The following SHISA9 variants were observed in gnomAD, a reference collection of about 807,000 sequenced individuals.
SHISA9 encodes the protein protein shisa-9.
A neutral mutation model predicts 38.0 loss-of-function variants in SHISA9; 13 were observed. The ratio of observed to expected loss-of-function variants is 0.34; its 90% CI spans 0.22 to 0.54. SHISA9 has a LOEUF of 0.54. Among genes scored for constraint, SHISA9 ranks in the 20% least tolerant of loss-of-function variants. The pLI is 0.91. For synonymous variants in SHISA9, 275 were observed against 242.0 expected (o/e 1.14, Z -1.27); for missense variants, 538 against 575.8 (o/e 0.93, Z 0.67).
chr16:13,534,341 C>T, the SHISA9 span, among the ~76,000 whole-genome samples: 1 of 151,656 alleles, frequency 6.6e-6, no homozygotes, highest in East Asian at 1.9e-4. Context: ...TCTCATGTCT[C>T]AGCCTCCCAA....
At chr16:12,928,296 TA>T in intron 2 of SHISA9, among the ~76,000 whole-genome samples, 1 of 140,758 alleles carries the variant, frequency 7.1e-6, no homozygotes, top group Admixed American at 7.4e-5. Context: ...GGCTTGTCAT[TA>T]GGGGTGCAGA....
At chr16:13,243,837 A>G (rs536259812), downstream of SHISA9, among the ~76,000 whole-genome samples, 48 of 145,650 alleles carry the variant, frequency 3.3e-4, no homozygotes, top group South Asian at 0.011. Flanking sequence ...CAGTGGCGCA[A>G]TCTTAGTTCA....
chr16:13,174,071 C>A (rs1221785467), intron 2 of SHISA9, among the ~76,000 whole-genome samples: 2 of 152,268 alleles, frequency 1.3e-5, no homozygotes, highest in African/African-American at 4.8e-5. Context: ...ACCCTTCATT[C>A]TCAATAAAAT....
At chr16:13,360,912 C>A in the SHISA9 span, among the ~76,000 whole-genome samples, 1 of 152,162 alleles carries the variant, frequency 6.6e-6, no homozygotes. Context: ...ATAGTAGTAA[C>A]AAGCTCCATA....
chr16:13,264,854 T>C, the SHISA9 span, among the ~76,000 whole-genome samples: 1 of 152,152 alleles, frequency 6.6e-6, no homozygotes, highest in East Asian at 1.9e-4. Flanking sequence ...GTCAAGAAAG[T>C]AATAATTCCC....
intron 2 of SHISA9, among the ~76,000 whole-genome samples, chr16:13,154,102 C>G (rs2050522586): frequency 6.6e-6 from 1 of 152,098 alleles, no homozygotes; most frequent in South Asian, 2.1e-4. Flanking sequence ...TATTAAGCAC[C>G]TATCATGTGC....
intron 2 of SHISA9, among the ~76,000 whole-genome samples, chr16:13,078,953 A>G (rs1009766275): frequency 1.3e-5 from 2 of 152,194 alleles, no homozygotes; most frequent in African/African-American, 4.8e-5. Flanking sequence ...TAGAAGAAGC[A>G]TAACAGAATA....
intron 2 of SHISA9, among the ~76,000 whole-genome samples, chr16:13,173,655 C>G (rs1357003267): frequency 1.3e-5 from 2 of 152,124 alleles, no homozygotes; most frequent in African/African-American, 4.8e-5. Flanking sequence ...TGCTAAGCTC[C>G]TGAAATGCAC....
At chr16:13,010,340 G>A (rs2072656546) in intron 2 of SHISA9, among the ~76,000 whole-genome samples, 1 of 152,150 alleles carries the variant, frequency 6.6e-6, no homozygotes, top group African/African-American at 2.4e-5. Flanking sequence ...CTGAGTCCCT[G>A]TGTTAAGACC....
chr16:13,289,032 A>G, the SHISA9 span, among the ~76,000 whole-genome samples: 5 of 152,162 alleles, frequency 3.3e-5, no homozygotes, highest in African/African-American at 9.7e-5. Context: ...ACCTAAGCCA[A>G]TGAAAACCTG....
chr16:13,399,476 ATC>A, the SHISA9 span, among the ~76,000 whole-genome samples: 380 of 152,168 alleles, frequency 2.5e-3, 3 homozygotes, highest in African/African-American at 8.6e-3. Context: ...GTCCCCCAAG[ATC>A]TCTCTCAGTT....
intron 2 of SHISA9, among the ~76,000 whole-genome samples, chr16:12,990,436 C>G (rs1312171829): frequency 6.6e-6 from 1 of 152,218 alleles, no homozygotes; most frequent in Non-Finnish European, 1.5e-5. Flanking sequence ...GCAACCTCAC[C>G]AGCATCTGTT....
At chr16:13,272,369 C>G in the SHISA9 span, among the ~76,000 whole-genome samples, 1 of 151,960 alleles carries the variant, frequency 6.6e-6, no homozygotes, top group East Asian at 1.9e-4. Context: ...CTCCATAAAA[C>G]CTCATTTCTT....
chr16:13,312,021 G>C, the SHISA9 span, among the ~76,000 whole-genome samples: 1 of 152,226 alleles, frequency 6.6e-6, no homozygotes. Context: ...TGTCCAGGAA[G>C]AGAGGGGGAC....
chr16:13,439,192 T>C, the SHISA9 span, among the ~76,000 whole-genome samples: 2 of 152,178 alleles, frequency 1.3e-5, no homozygotes, highest in Admixed American at 6.5e-5. Context: ...TAGACTGATA[T>C]CAAAACAGTG....
chr16:13,249,487 A>G, the SHISA9 span, among the ~76,000 whole-genome samples: 1 of 152,208 alleles, frequency 6.6e-6, no homozygotes, highest in Admixed American at 6.5e-5. Flanking sequence ...TATGCTGAGC[A>G]TCTGCTATAT....
the SHISA9 span, among the ~76,000 whole-genome samples, chr16:13,533,114 TC>T: frequency 1.3e-5 from 2 of 152,188 alleles, no homozygotes; most frequent in African/African-American, 4.8e-5. Flanking sequence ...TGATCATTCT[TC>T]TCCACCAGTG....
the SHISA9 span, among the ~76,000 whole-genome samples, chr16:13,425,464 G>A: frequency 6.6e-6 from 1 of 152,172 alleles, no homozygotes; most frequent in African/African-American, 2.4e-5. Context: ...TCCAGCCTGG[G>A]GGACAGAGTG....
the SHISA9 span, among the ~76,000 whole-genome samples, chr16:13,264,170 C>CTTTTTTTTTTTTTTTTTTTTTTTTTTCT: frequency 8.0e-6 from 1 of 124,342 alleles, no homozygotes; most frequent in Non-Finnish European, 1.7e-5. Context: ...TGTTTTAAAT[C>CTTTTTTTTTTTTTTTTTTTTTTTTTTCT]TTTTTTTTTT....
Sources: gnomAD v4.1 joint callset for allele counts (sites outside exome capture counted in the v4.1 genomes callset) on GRCh38, gnomAD v4.1.1 for gene constraint, MANE v1.5 for transcripts, NCBI Gene and HGNC (gene_info 2026-07-23, HGNC 2026-07-21) for gene names.